ALG9: variants seen among roughly 807,000 people sequenced by gnomAD.
The protein encoded by ALG9 is alpha-1,2-mannosyltransferase ALG9.
A neutral mutation model predicts 81.8 loss-of-function variants in ALG9; 55 were observed. That is an observed-to-expected ratio of 0.67 (90% CI 0.54 to 0.84). ALG9 has a LOEUF of 0.84. Among genes scored for constraint, ALG9 ranks in the 40% least tolerant of loss-of-function variants. ALG9 has a pLI of 0.00. For missense variants in ALG9, 629 were observed against 745.0 expected, an observed-to-expected ratio of 0.84 and a Z score of 1.81; for synonymous variants, 278 against 274.3, an observed-to-expected ratio of 1.01 and a Z score of -0.13.
Position 111,789,102 on chromosome 11 carries a change from C to A in ALG9, c.1734-2582G>T, listed in dbSNP as rs560785427. ...AAGCAATCCTCCTGCCTCGGTCTCC[C>A]AAACTGTTGGGATTACAGGCGCAAG... On this transcript the variant is annotated intron_variant, in intron 14 of 14. Transcript: ENST00000616540. Among the ~76,000 whole-genome samples the A allele has an allele frequency of 2.0e-5, 3 of 151,800 alleles. No individual in the cohort carries two copies. In the East Asian group the frequency reaches 5.8e-4, roughly 30 times the overall value.
intron 13 of ALG9, among the ~76,000 whole-genome samples, chr11:111,811,126 A>C (rs1555091019): frequency 6.6e-6 from 1 of 152,272 alleles, no homozygotes; most frequent in Non-Finnish European, 1.5e-5. Context: ...GATGTCAATC[A>C]ATGTCATATG....
intron 14 of ALG9, 108 bp from the exon 15 acceptor site, chr11:111,786,628 T>C: frequency 7.9e-7 from 1 of 1,268,272 alleles, no homozygotes; most frequent in Non-Finnish European, 1.1e-6. Context: ...GATTATATTT[T>C]ATTCAAGTGG....
chr11:111,791,868 A>C (rs1346142799), intron 14 of ALG9, among the ~76,000 whole-genome samples: 1 of 152,166 alleles, frequency 6.6e-6, no homozygotes, highest in African/African-American at 2.4e-5. Flanking sequence ...AAGGCGGGTG[A>C]ATCACTTGAG....
chr11:111,776,153 G>C, the ALG9 span, among the ~76,000 whole-genome samples: 1 of 151,866 alleles, frequency 6.6e-6, no homozygotes, highest in Admixed American at 6.6e-5. Context: ...CCAGAAGTTT[G>C]AGGCTCACTG....
Position 111,865,262 on chromosome 11 carries a change from C to T in ALG9, c.406-11G>A. 1.3e-6 allele frequency: 2 copies of T among 1,547,732 alleles called. No individual in the cohort carries two copies. Among genetic ancestry groups the T allele is most frequent in the Non-Finnish European group, 8.7e-7 (1 of 1,145,042 alleles). ...GTAAAACACAAGAATCTAAAAGAAA[C>T]CCAGAAAAAGAAAACAGAAGTCACA... On this transcript the variant is annotated splice_polypyrimidine_tract_variant and intron_variant, in intron 3 of 14. Coordinates refer to ENST00000616540, the MANE Select transcript of ALG9 (RefSeq NM_024740.2).
At chr11:111,803,747 T>A (rs1478757787) in intron 14 of ALG9, among the ~76,000 whole-genome samples, 1 of 152,102 alleles carries the variant, frequency 6.6e-6, no homozygotes, top group African/African-American at 2.4e-5. Context: ...GGAACAACCA[T>A]GCATCCTCAT....
At chr11:111,812,427 C>T (rs1950863144) in intron 13 of ALG9, among the ~76,000 whole-genome samples, 1 of 152,108 alleles carries the variant, frequency 6.6e-6, no homozygotes, top group Non-Finnish European at 1.5e-5. Context: ...ATTAGCCGGG[C>T]ATGGTGGTAT....
intron 13 of ALG9, among the ~76,000 whole-genome samples, chr11:111,820,947 C>CACACACACACACA (rs548465357): frequency 6.8e-6 from 1 of 146,814 alleles, no homozygotes; most frequent in Admixed American, 6.8e-5. Context: ...CACACACACA[C>CACACACACACACA]AAGCCAGGTA....
chr11:111,832,116 T>C (rs1555113774), intron 13 of ALG9, among the ~76,000 whole-genome samples: 1 of 152,158 alleles, frequency 6.6e-6, no homozygotes, highest in African/African-American at 2.4e-5. Context: ...TTGTAAGATT[T>C]CAGATAATCC....
At chr11:111,839,195 C>T (rs1392839410) in intron 10 of ALG9, among the ~76,000 whole-genome samples, 1 of 152,090 alleles carries the variant, frequency 6.6e-6, no homozygotes, top group Non-Finnish European at 1.5e-5. Flanking sequence ...CAATATATTA[C>T]ATATTACATA....
At chr11:111,800,152 C>G (rs1948885398) in intron 14 of ALG9, among the ~76,000 whole-genome samples, 1 of 152,128 alleles carries the variant, frequency 6.6e-6, no homozygotes, top group Admixed American at 6.6e-5. Flanking sequence ...AAGGGAAAAG[C>G]CTGTGTCTAA....
Position 111,871,502 on chromosome 11 carries a change from G to C in ALG9, c.-20C>G, listed in dbSNP as rs1555159131. 2.0e-6 allele frequency: 3 copies of C among 1,536,214 alleles called. No homozygotes were observed. Among genetic ancestry groups the C allele is most frequent in the Middle Eastern group, 1.7e-4 (1 of 5,988 alleles). Reference sequence around the variant, plus strand: ...AGCCATGGCAAGCCTGGGGAAAAAAGAATTCGGCACCCTATGAAGTCGGTG... The same window carrying C: ...AGCCATGGCAAGCCTGGGGAAAAAACAATTCGGCACCCTATGAAGTCGGTG... On this transcript the variant is annotated 5_prime_UTR_variant, in exon 1 of 15. Transcript: ENST00000616540.
At position 111,844,593 on chromosome 11, in the gene ALG9, C is replaced by T; in HGVS notation, c.1018+8G>A. On this transcript the variant is annotated splice_region_variant and intron_variant, in intron 9 of 14. Coordinates refer to ENST00000616540, the MANE Select transcript of ALG9 (RefSeq NM_024740.2). ...CCCAAAACACCTACCATCTCTTATG[C>T]CACTCACCATGAAATCTCTGCAGCA... 1 of 1,613,762 alleles carries T rather than the reference C, an allele frequency of 6.2e-7. No individual in the cohort carries two copies. The highest frequency in any genetic ancestry group is 8.5e-7 in the Non-Finnish European group (1 of 1,179,852).
downstream of ALG9, among the ~76,000 whole-genome samples, chr11:111,777,827 A>C (rs1945739803): frequency 6.6e-6 from 1 of 152,230 alleles, no homozygotes; most frequent in African/African-American, 2.4e-5. Flanking sequence ...ACACAGTAAC[A>C]GGGAGACAAG....
chr11:111,867,311 C>A (rs1962813225), intron 3 of ALG9, among the ~76,000 whole-genome samples: 1 of 152,170 alleles, frequency 6.6e-6, no homozygotes, highest in Non-Finnish European at 1.5e-5. Context: ...CTTAATAGAT[C>A]CTACCAGGTC....
intron 14 of ALG9, among the ~76,000 whole-genome samples, chr11:111,791,581 A>C (rs1466449888): frequency 2.0e-5 from 3 of 152,182 alleles, no homozygotes; most frequent in Non-Finnish European, 4.4e-5. Context: ...AAGCCCTAGG[A>C]GATCTAGCCC....
At chr11:111,798,686 T>C (rs1226693587) in intron 14 of ALG9, among the ~76,000 whole-genome samples, 1 of 152,198 alleles carries the variant, frequency 6.6e-6, no homozygotes, top group African/African-American at 2.4e-5. Flanking sequence ...TGTCAAATAG[T>C]TTAGACTCCG....
At chr11:111,814,006 G>A (rs782059438) in intron 13 of ALG9, among the ~76,000 whole-genome samples, 22 of 152,128 alleles carry the variant, frequency 1.4e-4, no homozygotes, top group Non-Finnish European at 2.6e-4. Flanking sequence ...CCACAAAAAT[G>A]GTAATTCATA....
intron 8 of ALG9, among the ~76,000 whole-genome samples, chr11:111,851,409 G>T (rs1163813445): frequency 6.6e-6 from 1 of 151,542 alleles, no homozygotes; most frequent in Admixed American, 6.6e-5. Flanking sequence ...AACCCAGGAG[G>T]GGAGGTTGCA....
Sources: gnomAD v4.1 joint callset for allele counts (sites outside exome capture counted in the v4.1 genomes callset) on GRCh38, gnomAD v4.1.1 for gene constraint, MANE v1.5 for transcripts, NCBI Gene and HGNC (gene_info 2026-07-23, HGNC 2026-07-21) for gene names.